Variants in SH3TC1 observed in about 807,000 individuals in gnomAD.
SH3TC1 encodes SH3 domain and tetratricopeptide repeat-containing protein 1.
In SH3TC1, 135 loss-of-function variants were observed where a neutral mutation model predicts 117.3. The ratio of observed to expected loss-of-function variants is 1.15; its 90% CI spans 1.00 to 1.33. The LOEUF (loss-of-function observed/expected upper bound fraction) is 1.33, where lower values mean the gene tolerates loss of function less well. Among genes scored for constraint, SH3TC1 ranks in the 40% most tolerant of loss-of-function variants. The pLI is 0.00. For synonymous variants in SH3TC1, 898 were observed against 816.9 expected (o/e 1.10, Z -1.69); for missense variants, 2,092 against 1,794.3 (o/e 1.17, Z -3.00).
At chr4:8,189,184 C>T (rs73798643) in intron 1 of SH3TC1, among the ~76,000 whole-genome samples, 15,422 of 152,348 alleles carry the variant, frequency 0.1, 976 homozygotes, top group Non-Finnish European at 0.13. Context: ...GTCACTGGCA[C>T]TTGGTTTGTT....
chr4:8,226,929 C>G, intron 11 of SH3TC1, 51 bp from the exon 12 acceptor site: 1 of 1,413,476 alleles, frequency 7.1e-7, no homozygotes, highest in Non-Finnish European at 9.5e-7. Flanking sequence ...CCAGTGGACC[C>G]AGGACTCACT....
At chr4:8,234,917 A>G (rs1246890913) in intron 14 of SH3TC1, among the ~76,000 whole-genome samples, 1 of 152,018 alleles carries the variant, frequency 6.6e-6, no homozygotes, top group East Asian at 1.9e-4. Flanking sequence ...TTTCCCAAAC[A>G]CAGTGTGATC....
At position 8,240,771 on chromosome 4, in the gene SH3TC1, A is replaced by G. The variant is rs1227749801; in HGVS notation, c.3827A>G (p.Gln1276Arg). Residue 1276 changes from glutamine to arginine, a missense_variant, in exon 18 of 18, where the codon CAG becomes CGG. Transcript: ENST00000245105. The stretch of plus-strand genomic sequence containing the variant: ...GTGGACCTGGGCAACAAGAAGGCAC[A>G]GCTGAAGATCTACACGCGGCTGGCC... ...AAVDLGNKKA[Q>R]LKIYTRLATI... is the part of the protein sequence containing the mutation. The G allele has an allele frequency of 6.2e-7, 1 of 1,608,676 alleles. No individual in the cohort carries two copies. Among genetic ancestry groups the G allele is most frequent in the Non-Finnish European group, 8.5e-7 (1 of 1,177,878 alleles).
chr4:8,195,341 G>T (rs1035674618), upstream of SH3TC1, among the ~76,000 whole-genome samples: 1 of 152,226 alleles, frequency 6.6e-6, no homozygotes, highest in Admixed American at 6.5e-5. Context: ...TGAAGCCTGA[G>T]CTGGGGTTCG....
intron 12 of SH3TC1, among the ~76,000 whole-genome samples, 180 bp downstream of exon 12, chr4:8,228,824 C>G (rs1039520952): frequency 3.3e-5 from 5 of 152,246 alleles, no homozygotes; most frequent in Non-Finnish European, 4.4e-5. Flanking sequence ...GCCAGGCCCT[C>G]TCTGCCCTAC....
intron 10 of SH3TC1, 182 bp from the exon 11 acceptor site, chr4:8,224,993 G>C (rs773790046): frequency 1.3e-5 from 9 of 686,818 alleles, no homozygotes; most frequent in Non-Finnish European, 2.2e-5. Context: ...CAACACCTCA[G>C]CCTGCAACAC....
chr4:8,205,235 C>T lies in SH3TC1; in HGVS notation c.41C>T (p.Pro14Leu), dbSNP rs1334598064. Reference sequence around the variant, plus strand: ...GCCGTGACCACTGAGGAGCCGACCCCCATGGGGAGGGGTCCTGTGGGACCC... The same window carrying T: ...GCCGTGACCACTGAGGAGCCGACCCTCATGGGGAGGGGTCCTGTGGGACCC... ...LPAVTTEEPTPMGRGPVGPSG... is the reference protein window; with the variant it reads ...LPAVTTEEPTLMGRGPVGPSG... The change falls in exon 2 of 18, where the codon CCC becomes CTC. Residue 14 changes from proline (P) to leucine (L), a missense_variant. By Grantham distance (98) the Pro-to-Leu change is moderately conservative. Transcript: ENST00000245105. This position sits in a 1 kb window ranked among gnomAD's most constrained non-coding sequence, Gnocchi z 5.4. 1.3e-6 allele frequency: 2 copies of T among 1,549,538 alleles called. No homozygotes were observed. The highest frequency in any genetic ancestry group is 2.4e-5 in the East Asian group (1 of 40,966).
chr4:8,221,544 A>G (rs537796797), intron 9 of SH3TC1, among the ~76,000 whole-genome samples: 1 of 152,238 alleles, frequency 6.6e-6, no homozygotes, highest in South Asian at 2.1e-4. Flanking sequence ...CCCAGATTGC[A>G]CAAATGTTAA....
In SH3TC1 at chr4:8,233,622, C is replaced by G. The variant is rs1043781894; in HGVS notation, c.3282+109C>G. On this transcript the variant is annotated intron_variant, in intron 14 of 17. Coordinates refer to ENST00000245105, the MANE Select transcript of SH3TC1 (RefSeq NM_018986.5). ...ATCCTTCCATCATCTATCCATTTAC[C>G]TGTTCATCCTTCCTTCCATCCATCC... 3.1e-6 allele frequency: 4 copies of G among 1,301,592 alleles called. No homozygotes were observed. In the East Asian group the frequency reaches 8.3e-5, roughly 27 times the overall value. 80.6% of individuals were successfully genotyped at this position (1,301,592 alleles called of 1,614,324 possible). A position where few individuals can be genotyped will look rare whatever the true frequency, so the allele number is the denominator to read the frequency against.
Position 8,182,377 on chromosome 4 carries a change from C to T in SH3TC1, c.-57+167C>T, listed in dbSNP as rs530715368. Among the ~76,000 whole-genome samples, 7 of 152,328 alleles carry T rather than the reference C, an allele frequency of 4.6e-5. No homozygotes were observed. In the East Asian group the frequency reaches 9.7e-4, roughly 21 times the overall value. On this transcript the variant is annotated intron_variant, in intron 1 of 16. Transcript: ENST00000508641. ...TCGAAACTCACCTGGCCAGAAGCAG[C>T]AGGGCGGGTGCTGCCTCGAATGGGG...
rs888873784 is a variant in SH3TC1, at chr4:8,183,936, G to C, written c.-57+1726G>C. Among the ~76,000 whole-genome samples, 1 of 152,168 alleles carries C rather than the reference G, an allele frequency of 6.6e-6. No homozygotes were observed. Among genetic ancestry groups the C allele is most frequent in the Non-Finnish European group, 1.5e-5 (1 of 68,038 alleles). ...CCAACTAATTTTTGTATTTTTAGTA[G>C]ATACGGGGTTTCACCATGTTGGCCA... On this transcript the variant is annotated intron_variant, in intron 1 of 16. Coordinates refer to the SH3TC1 transcript ENST00000508641. This position sits in a 1 kb window ranked among gnomAD's most constrained non-coding sequence, Gnocchi z 5.4.
chr4:8,236,479 C>G, intron 16 of SH3TC1, 51 bp downstream of exon 16: 1 of 1,423,312 alleles, frequency 7.0e-7, no homozygotes, highest in Non-Finnish European at 9.2e-7. Context: ...TGCCAGAGCT[C>G]AGCCTCCAGG....
At position 8,205,734 on chromosome 4, in the gene SH3TC1, C is replaced by A; in HGVS notation, c.172+368C>A. 1.5e-6 allele frequency: 1 copy of A among 684,794 alleles called. No homozygotes were observed. Among genetic ancestry groups the A allele is most frequent in the Non-Finnish European group, 2.7e-6 (1 of 370,624 alleles). 42.4% of individuals were successfully genotyped at this position (684,794 alleles called of 1,614,324 possible). On this transcript the variant is annotated intron_variant, in intron 2 of 17. Coordinates refer to ENST00000245105, the MANE Select transcript of SH3TC1 (RefSeq NM_018986.5). This position sits in a 1 kb window ranked among gnomAD's most constrained non-coding sequence, Gnocchi z 5.4. ...GTCCTCAGGATGAGGCATCCTCGTT[C>A]TCCAGGAGGCACCCAAGGTGCAGAG...
chr4:8,218,198 C>T (rs774692531), intron 7 of SH3TC1, 73 bp from the exon 8 acceptor site: 1 of 1,199,386 alleles, frequency 8.3e-7, no homozygotes, highest in Admixed American at 1.9e-5. Context: ...GCTGGCCTGT[C>T]CAGTCTCTGC....
At chr4:8,194,800 G>A (rs937877639), upstream of SH3TC1, among the ~76,000 whole-genome samples, 1 of 152,168 alleles carries the variant, frequency 6.6e-6, no homozygotes, top group Non-Finnish European at 1.5e-5. Context: ...CGAAGGAGTG[G>A]GTGTTAGGTT....
chr4:8,205,845 GAGTGACCTAGGTGATCTCC>G lies in SH3TC1; in HGVS notation c.172+482_172+500del. 1.7e-6 allele frequency: 1 copy of G among 593,284 alleles called. No homozygotes were observed. Among genetic ancestry groups the G allele is most frequent in the Non-Finnish European group, 3.0e-6 (1 of 332,746 alleles). 36.8% of individuals were successfully genotyped at this position (593,284 alleles called of 1,614,324 possible). ...TTCCTGAATTCCCGGGAGACCTGAA[GAGTGACCTAGGTGATCTCC>G]AGGATCCCCTCTTACCCCCATCCTG... On this transcript the variant is annotated intron_variant, in intron 2 of 17. Transcript: ENST00000245105. The surrounding 1 kb of genome is among the most constrained non-coding windows in gnomAD (Gnocchi z 5.4).
Position 8,183,272 on chromosome 4 carries a change from A to G in SH3TC1, c.-57+1062A>G, listed in dbSNP as rs573065275. Among the ~76,000 whole-genome samples the G allele has an allele frequency of 2.0e-4, 31 of 152,320 alleles. No individual in the cohort carries two copies. Among genetic ancestry groups the G allele is most frequent in the Admixed American group, 1.3e-3 (20 of 15,308 alleles). ...CGTTTACAGAGGAAGGCCGGCGCTC[A>G]AGGTGGCAGGACTGGCTGAGGACCA... On this transcript the variant is annotated intron_variant, in intron 1 of 16. Transcript: ENST00000508641. The surrounding 1 kb of genome is among the most constrained non-coding windows in gnomAD (Gnocchi z 5.4).
chr4:8,216,033 G>A (rs894371404), intron 5 of SH3TC1, 78 bp from the exon 6 acceptor site: 24 of 1,555,516 alleles, frequency 1.5e-5, no homozygotes, highest in South Asian at 6.1e-5. Context: ...GGGCTCAGCC[G>A]ACCTGGGACC....
intron 2 of SH3TC1, among the ~76,000 whole-genome samples, chr4:8,207,753 C>T (rs1353462552): frequency 6.6e-6 from 1 of 152,238 alleles, no homozygotes; most frequent in Non-Finnish European, 1.5e-5. Context: ...TGCGTCCTCA[C>T]TTTCTGGGAC....
Sources: gnomAD v4.1 joint callset for allele counts (sites outside exome capture counted in the v4.1 genomes callset) on GRCh38, gnomAD v4.1.1 for gene constraint, Gnocchi (gnomAD v3.1) non-coding constraint, MANE v1.5 for transcripts, NCBI Gene and HGNC (gene_info 2026-07-23, HGNC 2026-07-21) for gene names.